The following CMTM7 variants were observed in gnomAD, a reference collection of about 807,000 sequenced individuals.
The protein encoded by CMTM7 is CKLF like MARVEL transmembrane domain containing 7.
CMTM7 carries 7 observed loss-of-function variants against 19.3 expected under a neutral mutation model. The ratio of observed to expected loss-of-function variants is 0.36; its 90% CI spans 0.21 to 0.68. CMTM7 has a LOEUF of 0.68. CMTM7 is among the 30% of genes least tolerant of loss of function. CMTM7 has a pLI of 0.60. For missense variants in CMTM7, 193 were observed against 232.6 expected, an observed-to-expected ratio of 0.83 and a Z score of 1.11; for synonymous variants, 87 against 99.3, an observed-to-expected ratio of 0.88 and a Z score of 0.74.
chr3:32,408,918 C>G (rs1225063880), intron 1 of CMTM7, among the ~76,000 whole-genome samples: 1 of 151,560 alleles, frequency 6.6e-6, no homozygotes, highest in Non-Finnish European at 1.5e-5. Context: ...AAGTCTCGCT[C>G]TGTCGCCAGG....
At chr3:32,401,786 G>A (rs1423175512) in intron 1 of CMTM7, among the ~76,000 whole-genome samples, 4 of 152,216 alleles carry the variant, frequency 2.6e-5, no homozygotes, top group African/African-American at 7.2e-5. Flanking sequence ...GGCAGGGCTC[G>A]CGGCGTCCGC....
intron 1 of CMTM7, among the ~76,000 whole-genome samples, chr3:32,407,507 C>G (rs1047376390): frequency 2.6e-5 from 4 of 152,260 alleles, no homozygotes; most frequent in African/African-American, 9.6e-5. Context: ...CCTTGGAAAG[C>G]CGTAAGGCCA....
intron 1 of CMTM7, among the ~76,000 whole-genome samples, chr3:32,435,207 T>C (rs1696579357): frequency 1.3e-5 from 2 of 152,066 alleles, no homozygotes; most frequent in African/African-American, 2.4e-5. Context: ...ATCGAGACCA[T>C]CCTGGCCAAC....
chr3:32,410,721 T>C (rs1325929846), intron 1 of CMTM7, among the ~76,000 whole-genome samples: 1 of 152,204 alleles, frequency 6.6e-6, no homozygotes, highest in African/African-American at 2.4e-5. Flanking sequence ...GATGCAGTTT[T>C]CGTAGTAGCT....
intron 1 of CMTM7, among the ~76,000 whole-genome samples, chr3:32,394,759 G>A (rs1486542791): frequency 2.0e-5 from 3 of 150,556 alleles, no homozygotes; most frequent in African/African-American, 2.4e-5. Context: ...GCAGTGGAAC[G>A]ATCTCAGCTC....
chr3:32,417,621 A>G (rs76636226), intron 1 of CMTM7, among the ~76,000 whole-genome samples: 3,634 of 152,346 alleles, frequency 0.024, 70 homozygotes, highest in East Asian at 0.079. Context: ...ATATATTCAA[A>G]TGTATAAGAA....
At chr3:32,431,378 G>A (rs1696516263) in intron 1 of CMTM7, among the ~76,000 whole-genome samples, 1 of 152,112 alleles carries the variant, frequency 6.6e-6, no homozygotes. Flanking sequence ...TCTATAATGA[G>A]CAAGTATTGA....
chr3:32,398,442 C>T (rs991958225), intron 1 of CMTM7, among the ~76,000 whole-genome samples: 4 of 152,040 alleles, frequency 2.6e-5, no homozygotes, highest in Admixed American at 1.3e-4. Context: ...TAGGTGATCA[C>T]GACTGTGTGC....
intron 1 of CMTM7, among the ~76,000 whole-genome samples, chr3:32,406,403 C>G (rs1370112780): frequency 1.3e-5 from 2 of 152,174 alleles, no homozygotes; most frequent in Non-Finnish European, 2.9e-5. Context: ...GCATGCTTTT[C>G]AACATTTTTG....
chr3:32,431,010 C>G (rs1696510368), intron 1 of CMTM7, among the ~76,000 whole-genome samples: 7 of 152,174 alleles, frequency 4.6e-5, no homozygotes, highest in Admixed American at 4.6e-4. Flanking sequence ...TTCAAGGTTT[C>G]TGGCATGGGA....
At chr3:32,441,702 A>G in intron 1 of CMTM7, 138 bp from the exon 2 acceptor site, 2 of 717,312 alleles carry the variant, frequency 2.8e-6, no homozygotes, top group Non-Finnish European at 2.4e-6. Flanking sequence ...GCCAGTGTGT[A>G]TGGAAATAAC....
chr3:32,449,464 A>G lies in CMTM7; in HGVS notation c.344A>G (p.His115Arg), dbSNP rs1230565200. 6.2e-7 allele frequency: 1 copy of G among 1,613,682 alleles called. No individual in the cohort carries two copies. Among genetic ancestry groups the G allele is most frequent in the Non-Finnish European group, 8.5e-7 (1 of 1,179,706 alleles). Residue 115 changes from histidine to arginine, a missense_variant, in exon 3 of 5, where the codon CAC becomes CGC. Physicochemically the swap from His to Arg is conservative, Grantham distance 29 (BLOSUM62 0). Transcript: ENST00000334983. This position sits in a 1 kb window ranked among gnomAD's most constrained non-coding sequence, Gnocchi z 4.5. ...CISWPLSELL[H>R]YLIGTLLLLI... ...TGTTTCTGCCCCCAGGAACTTCTGC[A>G]CTATTTAATCGGTACCCTGCTCCTC... is the stretch of plus-strand genomic sequence containing the variant.
chr3:32,444,877 A>G (rs893770455), intron 2 of CMTM7, among the ~76,000 whole-genome samples: 1 of 152,162 alleles, frequency 6.6e-6, no homozygotes, highest in African/African-American at 2.4e-5. Flanking sequence ...CAGCCTCCCA[A>G]AATGCTGGGA....
chr3:32,396,892 G>A (rs1695926713), intron 1 of CMTM7, among the ~76,000 whole-genome samples: 1 of 152,250 alleles, frequency 6.6e-6, no homozygotes, highest in East Asian at 1.9e-4. Flanking sequence ...CCAGGATGGG[G>A]CTTGTGGCCC....
chr3:32,410,409 A>C (rs532554507), intron 1 of CMTM7, among the ~76,000 whole-genome samples: 1 of 152,350 alleles, frequency 6.6e-6, no homozygotes, highest in East Asian at 1.9e-4. Context: ...GCCTTTGGTA[A>C]TAGCACTCCT....
chr3:32,427,103 A>G (rs180941845), intron 1 of CMTM7, among the ~76,000 whole-genome samples: 139 of 152,362 alleles, frequency 9.1e-4, no homozygotes, highest in African/African-American at 3.3e-3. Flanking sequence ...GGCACCAGCC[A>G]TTGAACTGAG....
intron 1 of CMTM7, among the ~76,000 whole-genome samples, chr3:32,414,366 C>T (rs1365873534): frequency 6.6e-6 from 1 of 152,186 alleles, no homozygotes; most frequent in East Asian, 1.9e-4. Flanking sequence ...AGTCTCTGCT[C>T]GTCCCCTCAT....
intron 1 of CMTM7, among the ~76,000 whole-genome samples, chr3:32,416,440 GAC>G: frequency 1.9e-5 from 1 of 52,440 alleles, no homozygotes; most frequent in Non-Finnish European, 3.8e-5. Context: ...ACTGCGGACT[GAC>G]TGCAGTGGCG....
chr3:32,438,889 T>G (rs1696636594), intron 1 of CMTM7, among the ~76,000 whole-genome samples: 1 of 152,088 alleles, frequency 6.6e-6, no homozygotes, highest in South Asian at 2.1e-4. Flanking sequence ...CAACGACGAG[T>G]TGGAAAATTA....
Sources: allele counts gnomAD v4.1 joint callset (sites outside exome capture counted in the v4.1 genomes callset), GRCh38; gene constraint gnomAD v4.1.1; non-coding constraint Gnocchi (gnomAD v3.1); transcripts MANE v1.5; gene names NCBI Gene and HGNC (gene_info 2026-07-23, HGNC 2026-07-21).